Variants in NCAPH observed in about 807,000 individuals in gnomAD.
The protein encoded by NCAPH is condensin complex subunit 2.
Under a neutral mutation model 85.5 loss-of-function variants are expected in NCAPH, and 38 were observed. The ratio of observed to expected loss-of-function variants is 0.44; its 90% confidence interval spans 0.34 to 0.58. The LOEUF (loss-of-function observed/expected upper bound fraction) is 0.58. Among genes scored for constraint, NCAPH ranks in the 20% least tolerant of loss-of-function variants. The probability of loss-of-function intolerance (pLI) is 0.01; values close to 1 mark genes in which losing one functional copy is unlikely to be tolerated. For synonymous variants in NCAPH, 301 were observed against 335.1 expected (o/e 0.90, Z 1.11); for missense variants, 789 against 916.6 (o/e 0.86, Z 1.80).
rs1444747135 is a variant in NCAPH, at chr2:96,354,206, G to C, written c.1026G>C (p.Lys342Asn). Residue 342 changes from lysine to asparagine, a missense_variant, in exon 9 of 18, where the codon AAG (lysine) becomes AAC (asparagine). Lys to Asn is a moderately conservative substitution (Grantham distance 94). Transcript: ENST00000240423. ...AGTCTGTGTCGGCCCTGGTAGACAA[G>C]TTTAAGAAGAATGACCAGGTATTTG... ...HNESVSALVD[K>N]FKKNDQVFDI... 1 of 1,614,152 alleles carries C rather than the reference G, an allele frequency of 6.2e-7. No individual in the cohort carries two copies. The highest frequency in any genetic ancestry group is 8.5e-7 in the Non-Finnish European group (1 of 1,180,028).
At chr2:96,338,509 G>T (rs765658903) in intron 1 of NCAPH, among the ~76,000 whole-genome samples, 26 of 152,180 alleles carry the variant, frequency 1.7e-4, no homozygotes, top group African/African-American at 6.3e-4. Context: ...GTTATCTTAC[G>T]TGGTGAAAGA....
chr2:96,335,814 G>A lies in NCAPH; in HGVS notation c.-16G>A, dbSNP rs2064203615. ...CGCGCGCGATTTAAAACCAGCTCAG[G>A]AGACGCCAAGGAAAGATGGGACCTC... On this transcript the variant is annotated 5_prime_UTR_variant, in exon 1 of 18. Transcript: ENST00000240423. The A allele has an allele frequency of 2.7e-6, 4 of 1,494,326 alleles. No homozygotes were observed. The highest frequency in any genetic ancestry group is 3.6e-6 in the Non-Finnish European group (4 of 1,125,380). The allele number at this position is 1,494,326 out of a possible 1,614,324, so 92.6% of individuals were successfully genotyped here.
intron 17 of NCAPH, among the ~76,000 whole-genome samples, chr2:96,370,309 T>C (rs1039250153): frequency 4.6e-5 from 7 of 152,328 alleles, no homozygotes; most frequent in African/African-American, 1.4e-4. Context: ...GCACCAACAC[T>C]GTCAACTCCC....
intron 5 of NCAPH, 76 bp downstream of exon 5, chr2:96,343,380 A>G (rs2064321590): frequency 1.4e-6 from 2 of 1,473,762 alleles, no homozygotes; most frequent in Admixed American, 2.4e-5. Flanking sequence ...ATATACTAGA[A>G]GAAGGTCACA....
chr2:96,356,119 T>G (rs1177942383), intron 9 of NCAPH, among the ~76,000 whole-genome samples: 1 of 152,336 alleles, frequency 6.6e-6, no homozygotes. Flanking sequence ...TGCTGGTTAT[T>G]TTGAACAAAT....
chr2:96,346,264 G>A (rs770822161), intron 6 of NCAPH, among the ~76,000 whole-genome samples: 5 of 152,106 alleles, frequency 3.3e-5, no homozygotes, highest in Non-Finnish European at 5.9e-5. Context: ...CACTGGGGGC[G>A]TGAGGAGGGG....
chr2:96,341,579 A>G (rs538973046), intron 1 of NCAPH, 63 bp from the exon 2 acceptor site: 6 of 1,561,984 alleles, frequency 3.8e-6, no homozygotes, highest in Non-Finnish European at 5.2e-6. Flanking sequence ...TGACAGGCTC[A>G]AGACTTCTTT....
At chr2:96,373,149 T>C in intron 17 of NCAPH, 143 bp from the exon 18 acceptor site, 3 of 692,054 alleles carry the variant, frequency 4.3e-6, no homozygotes, top group Non-Finnish European at 7.3e-6. Flanking sequence ...TCATGCAAAT[T>C]ATACTTGCTA....
At chr2:96,368,896 A>G in intron 15 of NCAPH, 76 bp from the exon 16 acceptor site, 1 of 1,366,080 alleles carries the variant, frequency 7.3e-7, no homozygotes, top group South Asian at 1.4e-5. Flanking sequence ...CTTTTTGGTG[A>G]CACAACTTTA....
Position 96,364,506 on chromosome 2 carries a change from G to A in NCAPH, c.1613G>A (p.Arg538Lys). 6.2e-7 allele frequency: 1 copy of A among 1,612,302 alleles called. No individual in the cohort carries two copies. Among genetic ancestry groups the A allele is most frequent in the Non-Finnish European group, 8.5e-7 (1 of 1,178,398 alleles). ...TTACTTAAGATGGCCCAGGGCCATA[G>A]GGTAGAGACTGAGCATTATGAAGAA... is the stretch of plus-strand genomic sequence containing the variant. ...TRLLKMAQGH[R>K]VETEHYEEIE... The change falls in exon 13 of 18, where the codon AGG becomes AAG. Residue 538 changes from arginine (R) to lysine (K), a missense_variant. Physicochemically the swap from Arg to Lys is conservative, Grantham distance 26 (BLOSUM62 2). Transcript: ENST00000240423.
chr2:96,367,463 T>C, intron 15 of NCAPH, 90 bp downstream of exon 15: 1 of 869,118 alleles, frequency 1.2e-6, no homozygotes, highest in Admixed American at 2.0e-5. Flanking sequence ...ATTTGGGCAA[T>C]GCCTCCAATA....
Position 96,343,124 on chromosome 2 carries a change from T to C in NCAPH, c.457-42T>C, listed in dbSNP as rs762809859. 4.4e-6 allele frequency: 7 copies of C among 1,604,242 alleles called. No individual in the cohort carries two copies. In the East Asian group the frequency reaches 1.6e-4, roughly 36 times the overall value. On this transcript the variant is annotated intron_variant, in intron 4 of 17. Coordinates refer to ENST00000240423, the MANE Select transcript of NCAPH (RefSeq NM_015341.5). ...GTGTTTTACCTGTTCAGAAGTTGTTTTTTGTGTATCTTTGTGAGTGCAGCT... is the reference window on the plus strand; with the variant it reads ...GTGTTTTACCTGTTCAGAAGTTGTTCTTTGTGTATCTTTGTGAGTGCAGCT...
chr2:96,349,911 G>A (rs1365192055), intron 6 of NCAPH, among the ~76,000 whole-genome samples: 3 of 152,244 alleles, frequency 2.0e-5, no homozygotes, highest in Non-Finnish European at 4.4e-5. Flanking sequence ...AGGGCTCAGA[G>A]TTTATGGAAG....
intron 1 of NCAPH, among the ~76,000 whole-genome samples, chr2:96,339,464 C>T (rs1263393339): frequency 4.6e-5 from 7 of 151,808 alleles, no homozygotes; most frequent in East Asian, 1.9e-4. Flanking sequence ...TGGTGGCGGG[C>T]GCCTGTAGTC....
chr2:96,348,572 C>A (rs1329344393), intron 6 of NCAPH, among the ~76,000 whole-genome samples: 1 of 152,006 alleles, frequency 6.6e-6, no homozygotes, highest in Non-Finnish European at 1.5e-5. Context: ...ATCCAGAAAG[C>A]CCTTTCTACG....
chr2:96,344,379 T>C, intron 6 of NCAPH, 150 bp downstream of exon 6: 1 of 862,716 alleles, frequency 1.2e-6, no homozygotes, highest in Non-Finnish European at 1.6e-6. Context: ...TTATCATCTT[T>C]TAGCTTGACA....
intron 9 of NCAPH, among the ~76,000 whole-genome samples, chr2:96,355,770 T>A (rs2064516698): frequency 6.6e-6 from 1 of 151,698 alleles, no homozygotes; most frequent in Non-Finnish European, 1.5e-5. Context: ...GCCTCCCGAG[T>A]AGCTGGGACT....
At chr2:96,355,484 CT>C (rs2064511536) in intron 9 of NCAPH, among the ~76,000 whole-genome samples, 1 of 152,074 alleles carries the variant, frequency 6.6e-6, no homozygotes. Flanking sequence ...TTTGTCTGCC[CT>C]TGTGGGAAAC....
At chr2:96,339,319 G>A (rs563407655) in intron 1 of NCAPH, among the ~76,000 whole-genome samples, 3 of 152,222 alleles carry the variant, frequency 2.0e-5, no homozygotes, top group East Asian at 1.9e-4. Flanking sequence ...TGGGCAGGGC[G>A]TGGTGGCTCA....
Sources: gnomAD v4.1 joint callset for allele counts (sites outside exome capture counted in the v4.1 genomes callset) on GRCh38, gnomAD v4.1.1 for gene constraint, MANE v1.5 for transcripts, NCBI Gene and HGNC (gene_info 2026-07-23, HGNC 2026-07-21) for gene names.